The following CACNA1B variants were observed in gnomAD, a reference collection of about 807,000 sequenced individuals.
CACNA1B encodes voltage-dependent N-type calcium channel subunit alpha-1B.
CACNA1B carries 70 observed loss-of-function variants against 247.2 expected under a neutral mutation model. That is an observed-to-expected ratio of 0.28 (90% confidence interval 0.23 to 0.35). CACNA1B has a LOEUF of 0.35. CACNA1B is among the 10% of genes least tolerant of loss of function. The probability of loss-of-function intolerance (pLI) is 1.00; values close to 1 mark genes in which losing one functional copy is unlikely to be tolerated. For missense variants in CACNA1B, 2,367 were observed against 3,197.4 expected (o/e 0.74, Z 6.26); for synonymous variants, 1,231 against 1,294.4 (o/e 0.95, Z 1.05).
intron 42 of CACNA1B, among the ~76,000 whole-genome samples, chr9:138,117,072 C>T (rs2606356): frequency 0.74 from 112,453 of 152,142 alleles, 41,895 homozygotes; most frequent in Middle Eastern, 0.82. Flanking sequence ...TGACTAAGAA[C>T]GTAGTCTTCA....
chr9:137,960,213 A>AGGTCAGCCTGAGAGACGCCACGTGGG (rs1957997856), intron 10 of CACNA1B, among the ~76,000 whole-genome samples: 1 of 24,128 alleles, frequency 4.1e-5, no homozygotes, highest in Non-Finnish European at 8.7e-5. Flanking sequence ...AGGGGGAGGG[A>AGGTCAGCCTGAGAGACGCCACGTGGG]AGGTCGGCCG....
rs545397266 is a variant in CACNA1B at position 138,114,172 on chromosome 9, T to G, written c.5537-206T>G. Among the ~76,000 whole-genome samples the G allele has an allele frequency of 5.9e-5, 9 of 152,242 alleles. No homozygotes were observed. In the South Asian group the frequency reaches 1.9e-3, roughly 32 times the overall value. On this transcript the variant is annotated intron_variant, in intron 40 of 46. Transcript: ENST00000371372. ...AGTCAGGGCAGTCAGGAGGGCCAGGTCAGCATCTGGAGGAGCCCTAGGTAG... is the reference window on the plus strand; with the variant it reads ...AGTCAGGGCAGTCAGGAGGGCCAGGGCAGCATCTGGAGGAGCCCTAGGTAG...
chr9:138,064,948 C>T (rs1433027068), intron 31 of CACNA1B, among the ~76,000 whole-genome samples: 1 of 152,224 alleles, frequency 6.6e-6, no homozygotes, highest in African/African-American at 2.4e-5. Context: ...GCACTTGGAT[C>T]GTACATGATA....
chr9:137,959,027 A>G (rs1957981056), intron 10 of CACNA1B, among the ~76,000 whole-genome samples: 1 of 152,158 alleles, frequency 6.6e-6, no homozygotes, highest in Non-Finnish European at 1.5e-5. Context: ...ATACCAATGT[A>G]TATCATAGAT....
rs1029370567 is a variant in CACNA1B at position 137,974,563 on chromosome 9, G to A, written c.1544-1344G>A. 5.3e-5 allele frequency among the ~76,000 whole-genome samples: 8 copies of A among 152,198 alleles called. No individual in the cohort carries two copies. Among genetic ancestry groups the A allele is most frequent in the African/African-American group, 1.9e-4 (8 of 41,448 alleles). Reference sequence around the variant, plus strand: ...TCTCTGCTTATCCCAGGTCTGGGCTGCTGCAGACTTGCCCCCGACCGAGGC... The same window carrying A: ...TCTCTGCTTATCCCAGGTCTGGGCTACTGCAGACTTGCCCCCGACCGAGGC... On this transcript the variant is annotated intron_variant, in intron 11 of 46. Transcript: ENST00000371372. This position sits in a 1 kb window ranked among gnomAD's most constrained non-coding sequence, Gnocchi z 4.5.
At chr9:137,927,504 A>G (rs1957564860) in intron 6 of CACNA1B, among the ~76,000 whole-genome samples, 1 of 152,300 alleles carries the variant, frequency 6.6e-6, no homozygotes, top group African/African-American at 2.4e-5. Context: ...TCCTTTTACC[A>G]TAAAATGGTC....
chr9:138,074,259 G>A (rs1468101518), intron 34 of CACNA1B, among the ~76,000 whole-genome samples, 193 bp downstream of exon 34: 3 of 131,888 alleles, frequency 2.3e-5, no homozygotes, highest in African/African-American at 6.2e-5. Context: ...TTTTTTTTTT[G>A]AGACAGAGTC....
rs200479308 is a variant in CACNA1B at position 138,059,059 on chromosome 9, A to G, written c.4474-20A>G. 4.0e-6 allele frequency: 6 copies of G among 1,487,594 alleles called. No homozygotes were observed. The Admixed American group carries it at 8.5e-5, about 21-fold the overall frequency. The allele number at this position is 1,487,594 out of a possible 1,614,324, so 92.1% of individuals were successfully genotyped here. ...TGGGGCTGCCAAACCCATGGCCAAC[A>G]GTGCCTATTCCCCGGGCAGTTCTAT... is the stretch of plus-strand genomic sequence containing the variant. On this transcript the variant is annotated intron_variant, in intron 29 of 46. Coordinates refer to ENST00000371372, the MANE Select transcript of CACNA1B (RefSeq NM_000718.4). This position sits in a 1 kb window ranked among gnomAD's most constrained non-coding sequence, Gnocchi z 4.2.
At chr9:138,065,905 C>T (rs962495557) in intron 31 of CACNA1B, among the ~76,000 whole-genome samples, 15 of 152,260 alleles carry the variant, frequency 9.9e-5, no homozygotes, top group Middle Eastern at 3.4e-3. Context: ...TGCTACAGCA[C>T]ACCAGGAGTT....
intron 36 of CACNA1B, among the ~76,000 whole-genome samples, chr9:138,091,254 G>C (rs1415650801): frequency 6.6e-6 from 1 of 152,160 alleles, no homozygotes; most frequent in African/African-American, 2.4e-5. Context: ...TGAGCTTGGA[G>C]GTCATTATGT....
chr9:138,060,090 G>A (rs1959668364), intron 31 of CACNA1B, among the ~76,000 whole-genome samples: 1 of 152,046 alleles, frequency 6.6e-6, no homozygotes, highest in African/African-American at 2.4e-5. Context: ...AAACCAGTAA[G>A]GATTTATATT....
chr9:138,114,966 G>A (rs553591175), intron 41 of CACNA1B, among the ~76,000 whole-genome samples: 36 of 152,292 alleles, frequency 2.4e-4, no homozygotes, highest in African/African-American at 8.4e-4. Flanking sequence ...CCACACAGCC[G>A]TGTCTTCGGT....
intron 41 of CACNA1B, 124 bp from the exon 42 acceptor site, chr9:138,115,428 G>A: frequency 1.0e-6 from 1 of 986,238 alleles, no homozygotes; most frequent in Non-Finnish European, 1.5e-6. Context: ...TAAGGGGAAA[G>A]AGCCCTTAGG....
chr9:137,957,454 A>C lies in CACNA1B; in HGVS notation c.1244-144A>C. The stretch of plus-strand genomic sequence containing the variant: ...CTGGGAGGGACCCAAGGGGGCCCAC[A>C]ATCATCCGGCCTCAGCCCCAGTTCA... On this transcript the variant is annotated intron_variant, in intron 9 of 46. Transcript: ENST00000371372. This position sits in a 1 kb window ranked among gnomAD's most constrained non-coding sequence, Gnocchi z 4.7. 1 of 479,268 alleles carries C rather than the reference A, an allele frequency of 2.1e-6. No homozygotes were observed. The highest frequency in any genetic ancestry group is 3.6e-6 in the Non-Finnish European group (1 of 279,924). The allele number at this position is 479,268 out of a possible 1,614,324, so 29.7% of individuals were successfully genotyped here.
At chr9:138,075,975 G>T in intron 35 of CACNA1B, 65 bp downstream of exon 35, 1 of 1,089,454 alleles carries the variant, frequency 9.2e-7, no homozygotes, top group East Asian at 2.5e-5. Context: ...TACTCAGGAT[G>T]AAGAAGGCTG....
intron 10 of CACNA1B, among the ~76,000 whole-genome samples, chr9:137,964,725 T>C (rs1958055683): frequency 1.3e-5 from 2 of 152,218 alleles, no homozygotes; most frequent in African/African-American, 2.4e-5. Flanking sequence ...TTCAGCCCAG[T>C]TCTGAGCCCT....
chr9:138,053,775 T>G, intron 25 of CACNA1B, 71 bp from the exon 26 acceptor site: 42 of 657,468 alleles, frequency 6.4e-5, no homozygotes, highest in East Asian at 1.3e-4. Flanking sequence ...GACCCTACCC[T>G]TCCCCCTCAT....
chr9:137,928,278 A>G (rs550335194), intron 6 of CACNA1B, among the ~76,000 whole-genome samples: 2 of 152,206 alleles, frequency 1.3e-5, no homozygotes, highest in African/African-American at 4.8e-5. Flanking sequence ...TTTGTATTTT[A>G]GTAGAGACAG....
chr9:138,067,613 C>T (rs1049267342), intron 31 of CACNA1B, among the ~76,000 whole-genome samples: 2 of 152,212 alleles, frequency 1.3e-5, no homozygotes, highest in African/African-American at 2.4e-5. Flanking sequence ...GCACAAGAAT[C>T]GCTTGAACCC....
Sources: gnomAD v4.1 joint callset for allele counts (sites outside exome capture counted in the v4.1 genomes callset) on GRCh38, gnomAD v4.1.1 for gene constraint, Gnocchi (gnomAD v3.1) non-coding constraint, MANE v1.5 for transcripts, NCBI Gene and HGNC (gene_info 2026-07-23, HGNC 2026-07-21) for gene names.